NSD1: variants seen among roughly 807,000 people sequenced by gnomAD.
NSD1 encodes histone-lysine N-methyltransferase, H3 lysine-36 specific.
Under a neutral mutation model 242.7 loss-of-function variants are expected in NSD1, and 26 were observed. The observed-to-expected ratio is 0.11, with a 90% CI of 0.08 to 0.15. The LOEUF (loss-of-function observed/expected upper bound fraction) is 0.15, where lower values mean the gene tolerates loss of function less well. Ranked by LOEUF, NSD1 falls within the 10% of genes least tolerant of loss-of-function variation. NSD1 has a pLI of 1.00. For synonymous variants in NSD1, 1,106 were observed against 1,178.1 expected (o/e 0.94, Z 1.25); for missense variants, 2,495 against 3,272.8 (o/e 0.76, Z 5.80).
At chr5:177,284,236 A>G (rs1439059790) in intron 20 of NSD1, among the ~76,000 whole-genome samples, 1 of 152,158 alleles carries the variant, frequency 6.6e-6, no homozygotes, top group Non-Finnish European at 1.5e-5. Context: ...ATATAAATGG[A>G]CAATATTTGT....
rs373280032 is a variant in NSD1, at chr5:177,211,346, G to A, written c.2947G>A (p.Gly983Ser). 2 of 1,613,968 alleles carry A rather than the reference G, an allele frequency of 1.2e-6. 1 individual carries two copies. The highest frequency in any genetic ancestry group is 2.2e-5 in the South Asian group (2 of 91,080). Reference sequence around the variant, plus strand: ...CTCCGCCAATCCTAGCCCTAGTGGGGGTGACTCTGCATTATCTGGCGAGTT... The same window carrying A: ...CTCCGCCAATCCTAGCCCTAGTGGGAGTGACTCTGCATTATCTGGCGAGTT... ...QNSANPSPSG[G>S]DSALSGELSA... is the part of the protein sequence containing the mutation. Residue 983 changes from glycine (G) to serine (S), a missense_variant, in exon 5 of 23, where the codon GGT becomes AGT. Physicochemically the swap from Gly to Ser is moderately conservative, Grantham distance 56 (BLOSUM62 0). This residue lies in a region of NSD1 where 426 missense variants were observed against 411.4 expected (regional missense o/e 1.04). Coordinates refer to ENST00000439151, the MANE Select transcript of NSD1 (RefSeq NM_022455.5).
chr5:177,201,937 C>A (rs558038017), intron 3 of NSD1, among the ~76,000 whole-genome samples: 1 of 151,328 alleles, frequency 6.6e-6, no homozygotes, highest in Non-Finnish European at 1.5e-5. Flanking sequence ...GAGGCCGAGG[C>A]GGGCGGATCA....
chr5:177,271,657 A>G lies in NSD1; in HGVS notation c.5509+1850A>G, dbSNP rs560523458. ...TAAAATCCTGAGTTAGCAACCTCCA[A>G]GTATTTGGTACAGTTTAAGCACATG... On this transcript the variant is annotated intron_variant, in intron 16 of 22. Coordinates refer to ENST00000439151, the MANE Select transcript of NSD1 (RefSeq NM_022455.5). 1.0e-3 allele frequency among the ~76,000 whole-genome samples: 158 copies of G among 152,346 alleles called. 1 individual carries two copies. The highest frequency in any genetic ancestry group is 3.7e-3 in the African/African-American group (155 of 41,578).
chr5:177,205,551 A>G (rs1184190198), intron 4 of NSD1, among the ~76,000 whole-genome samples: 1 of 151,726 alleles, frequency 6.6e-6, no homozygotes, highest in Admixed American at 6.6e-5. Context: ...TAATATAAAA[A>G]TTACTATCTT....
At chr5:177,139,454 A>G (rs2149761452) in intron 2 of NSD1, among the ~76,000 whole-genome samples, 1 of 152,174 alleles carries the variant, frequency 6.6e-6, no homozygotes, top group East Asian at 1.9e-4. Flanking sequence ...CAAAAAAAAA[A>G]AAAAAAAGCG....
At chr5:177,188,356 C>T (rs1761400511) in intron 2 of NSD1, among the ~76,000 whole-genome samples, 1 of 152,022 alleles carries the variant, frequency 6.6e-6, no homozygotes, top group East Asian at 1.9e-4. Context: ...GGATTTGGTC[C>T]TTATTGTCTA....
intron 20 of NSD1, among the ~76,000 whole-genome samples, chr5:177,285,880 T>C (rs1759285478): frequency 6.6e-6 from 1 of 152,130 alleles, no homozygotes; most frequent in Admixed American, 6.6e-5. Flanking sequence ...TCTTAGTCTG[T>C]TTTTGTGTGT....
intron 3 of NSD1, among the ~76,000 whole-genome samples, chr5:177,195,453 G>GTCTC (rs142942152): frequency 5.3e-4 from 80 of 150,852 alleles, no homozygotes; most frequent in African/African-American, 1.3e-3. Context: ...TCATTAGGGT[G>GTCTC]TCTCTCTCTC....
chr5:177,262,652 G>C (rs1254948905), intron 14 of NSD1, among the ~76,000 whole-genome samples: 1 of 152,242 alleles, frequency 6.6e-6, no homozygotes, highest in African/African-American at 2.4e-5. Flanking sequence ...GCTGAGGCAG[G>C]CGGATCACCT....
intron 20 of NSD1, 71 bp downstream of exon 20, chr5:177,283,999 C>T: frequency 1.3e-6 from 2 of 1,549,252 alleles, no homozygotes; most frequent in Non-Finnish European, 1.8e-6. Context: ...AAACAGCTTC[C>T]TCAGATTATA....
chr5:177,168,123 A>T (rs959141393), intron 2 of NSD1, among the ~76,000 whole-genome samples: 1 of 152,130 alleles, frequency 6.6e-6, no homozygotes, highest in Admixed American at 6.6e-5. Context: ...TGAACTTGGG[A>T]TGTCTTCCCA....
chr5:177,202,170 G>GAA (rs199735386), intron 3 of NSD1, among the ~76,000 whole-genome samples: 2 of 140,878 alleles, frequency 1.4e-5, no homozygotes, highest in South Asian at 2.2e-4. Context: ...CTCCGTCTCA[G>GAA]AAAAAAAAAA....
intron 2 of NSD1, among the ~76,000 whole-genome samples, chr5:177,157,149 C>T (rs1758205690): frequency 1.3e-5 from 2 of 151,290 alleles, no homozygotes; most frequent in African/African-American, 4.9e-5. Flanking sequence ...GGATGGATCA[C>T]CTGAGGTCAG....
rs532728947 is a variant in NSD1 at position 177,182,880 on chromosome 5, C to T, written c.928-9004C>T. Among the ~76,000 whole-genome samples the T allele has an allele frequency of 5.3e-5, 8 of 152,288 alleles. No homozygotes were observed. The East Asian group carries it at 7.7e-4, about 15-fold the overall frequency. The stretch of plus-strand genomic sequence containing the variant: ...CTCGAACTCCTGACCTCAGGTGATC[C>T]GCCCACCTCGGCCTCCCAAAGTGCT... On this transcript the variant is annotated intron_variant, in intron 2 of 22. Coordinates refer to ENST00000439151, the MANE Select transcript of NSD1 (RefSeq NM_022455.5).
chr5:177,266,707 A>G (rs1352054436), intron 14 of NSD1: 1 of 277,258 alleles, frequency 3.6e-6, no homozygotes, highest in Non-Finnish European at 6.7e-6. Context: ...ATTCTTTGCT[A>G]AGGCTTTACT....
In NSD1 at chr5:177,135,649, G is replaced by T. The variant is rs567693862; in HGVS notation, c.546G>T (p.Glu182Asp). The T allele has an allele frequency of 6.2e-6, 10 of 1,614,082 alleles. No homozygotes were observed. The highest frequency in any genetic ancestry group is 8.5e-6 in the Non-Finnish European group (10 of 1,180,042). Residue 182 changes from glutamate to aspartate, a missense_variant, in exon 2 of 23, where the codon GAG becomes GAT. By Grantham distance (45) the Glu-to-Asp change is conservative. This residue lies in a region of NSD1 where 376 missense variants were observed against 367.4 expected (regional missense o/e 1.02). Coordinates refer to ENST00000439151, the MANE Select transcript of NSD1 (RefSeq NM_022455.5). ...QPVTEDESIE[E>D]IFEETQTNAT... ...TCACAGAGGATGAGAGTATAGAGGA[G>T]ATCTTTGAGGAAACTCAGACCAATG...
intron 3 of NSD1, among the ~76,000 whole-genome samples, chr5:177,200,186 G>A (rs1183448190): frequency 6.6e-6 from 1 of 152,102 alleles, no homozygotes; most frequent in Non-Finnish European, 1.5e-5. Flanking sequence ...TGCCTCCTGG[G>A]TTCAAGCAGT....
rs1021773858 is a variant in NSD1 at position 177,298,832 on chromosome 5, C to A, written c.*3373C>A. ...AGGGAGTAATGAGGACAGCATGAAA[C>A]TTGGATAGGTTTTACCCTTAGTCCC... On this transcript the variant is annotated 3_prime_UTR_variant, in exon 23 of 23. Transcript: ENST00000439151. 8.6e-6 allele frequency: 2 copies of A among 233,010 alleles called. No individual in the cohort carries two copies. The highest frequency in any genetic ancestry group is 5.6e-5 in the Admixed American group (1 of 17,776). 14.4% of individuals were successfully genotyped at this position (233,010 alleles called of 1,614,324 possible). A position where few individuals can be genotyped will look rare whatever the true frequency, so the allele number is the denominator to read the frequency against.
chr5:177,229,532 C>T lies in NSD1; in HGVS notation c.3797-6289C>T, dbSNP rs115609800. 1.9e-3 allele frequency among the ~76,000 whole-genome samples: 294 copies of T among 152,282 alleles called. 1 individual carries two copies. Among genetic ancestry groups the T allele is most frequent in the African/African-American group, 6.8e-3 (283 of 41,544 alleles). On this transcript the variant is annotated intron_variant, in intron 5 of 22. Transcript: ENST00000439151. ...CCAGTATCCAAAAGGTCATATTCCT[C>T]CTTTGTTCCTGATATATTCTTTATC...
Sources: allele counts gnomAD v4.1 joint callset (sites outside exome capture counted in the v4.1 genomes callset), GRCh38; gene constraint gnomAD v4.1.1; regional missense constraint gnomAD v4.1.1; transcripts MANE v1.5; gene names NCBI Gene and HGNC (gene_info 2026-07-23, HGNC 2026-07-21).